KLHL20: variants seen among roughly 807,000 people sequenced by gnomAD.
KLHL20 encodes the protein kelch like family member 20, also known as kelch-like protein 20.
Under a neutral mutation model 69.5 loss-of-function variants are expected in KLHL20, and 29 were observed. The observed-to-expected ratio is 0.42, with a 90% CI of 0.31 to 0.57. The LOEUF is 0.57. Among genes scored for constraint, KLHL20 ranks in the 20% least tolerant of loss-of-function variants. The probability of loss-of-function intolerance (pLI) is 0.18; values close to 1 mark genes in which losing one functional copy is unlikely to be tolerated. For missense variants in KLHL20, 419 were observed against 776.0 expected (o/e 0.54, Z 5.47); for synonymous variants, 253 against 265.2 (o/e 0.95, Z 0.45).
chr1:173,782,213 T>C lies in KLHL20; in HGVS notation c.1728T>C (p.Pro576=). Residue 576 remains proline, a synonymous_variant, in exon 11 of 12, where the codon CCT becomes CCC. Coordinates refer to ENST00000209884, the MANE Select transcript of KLHL20 (RefSeq NM_014458.4). ...TYLKTIEVFD[P]DANTWRLYGG... ...TGAAGACCATAGAAGTTTTTGATCC[T>C]GATGCCAATACATGGAGGTAACTTT... is the stretch of plus-strand genomic sequence containing the variant. 1 of 1,613,292 alleles carries C rather than the reference T, an allele frequency of 6.2e-7. No homozygotes were observed. The highest frequency in any genetic ancestry group is 8.5e-7 in the Non-Finnish European group (1 of 1,179,242).
intron 3 of KLHL20, chr1:173,741,580 G>T (rs1296780012): frequency 2.3e-6 from 1 of 426,374 alleles, no homozygotes; most frequent in African/African-American, 2.0e-5. Context: ...GTAAAACAAA[G>T]CAAAATAAAA....
At chr1:173,743,665 G>C (rs1359452451) in intron 3 of KLHL20, among the ~76,000 whole-genome samples, 1 of 151,920 alleles carries the variant, frequency 6.6e-6, no homozygotes, top group Non-Finnish European at 1.5e-5. Flanking sequence ...GTCCTTTGTT[G>C]CTATTTATTA....
At chr1:173,782,294 G>C (rs1648931714) in intron 11 of KLHL20, 64 bp downstream of exon 11, 1 of 1,217,964 alleles carries the variant, frequency 8.2e-7, no homozygotes, top group African/African-American at 1.5e-5. Flanking sequence ...GCTTGAAATA[G>C]CCTATGACCA....
At chr1:173,724,311 G>A (rs547550078) in intron 2 of KLHL20, among the ~76,000 whole-genome samples, 40 of 151,716 alleles carry the variant, frequency 2.6e-4, no homozygotes, top group Non-Finnish European at 4.7e-4. Context: ...AGCCTCCTCC[G>A]AAAATTCTTA....
chr1:173,726,464 C>A (rs541982782), intron 2 of KLHL20, among the ~76,000 whole-genome samples: 62 of 152,344 alleles, frequency 4.1e-4, no homozygotes, highest in African/African-American at 1.4e-3. Context: ...AAGTGGGTCC[C>A]TGACCCCCAA....
chr1:173,715,751 A>C (rs960766313), intron 1 of KLHL20: 14 of 391,720 alleles, frequency 3.6e-5, no homozygotes, highest in African/African-American at 2.6e-4. Context: ...AAGAGAAACA[A>C]GACTGACCTA....
At chr1:173,755,865 G>T in intron 5 of KLHL20, 58 bp from the exon 6 acceptor site, 1 of 1,125,058 alleles carries the variant, frequency 8.9e-7, no homozygotes, top group East Asian at 2.4e-5. Context: ...AACTACATTG[G>T]GACTTAACTA....
intron 3 of KLHL20, among the ~76,000 whole-genome samples, chr1:173,740,886 CCTT>C (rs1298766688): frequency 6.6e-6 from 1 of 152,150 alleles, no homozygotes; most frequent in Non-Finnish European, 1.5e-5. Flanking sequence ...CTGGAAATCT[CCTT>C]CTTTCTATGG....
chr1:173,752,146 G>A (rs1402857868), intron 4 of KLHL20, among the ~76,000 whole-genome samples: 1 of 151,544 alleles, frequency 6.6e-6, no homozygotes, highest in Non-Finnish European at 1.5e-5. Context: ...TGAGGCAGGA[G>A]AATCACTTGA....
At chr1:173,762,711 T>C (rs913671622) in intron 7 of KLHL20, among the ~76,000 whole-genome samples, 2 of 152,116 alleles carry the variant, frequency 1.3e-5, no homozygotes, top group African/African-American at 2.4e-5. Context: ...CTCAGCAAAA[T>C]TGGCATACAA....
intron 3 of KLHL20, among the ~76,000 whole-genome samples, chr1:173,737,537 T>G (rs527346506): frequency 1.3e-5 from 2 of 152,364 alleles, no homozygotes; most frequent in South Asian, 4.1e-4. Context: ...GCTTTAACTA[T>G]TTGGCTTTAT....
intron 10 of KLHL20, among the ~76,000 whole-genome samples, 200 bp downstream of exon 10, chr1:173,776,042 T>C (rs1648443700): frequency 6.6e-6 from 1 of 152,190 alleles, no homozygotes; most frequent in African/African-American, 2.4e-5. Context: ...CTAATTTATA[T>C]TCCCACCAGC....
intron 3 of KLHL20, among the ~76,000 whole-genome samples, chr1:173,745,766 C>A (rs73035123): frequency 0.025 from 3,854 of 152,148 alleles, 177 homozygotes; most frequent in African/African-American, 0.089. Context: ...AAATATTGTA[C>A]ATACTTATTT....
intron 11 of KLHL20, among the ~76,000 whole-genome samples, chr1:173,782,657 C>A (rs983995855): frequency 2.6e-5 from 4 of 152,204 alleles, no homozygotes; most frequent in African/African-American, 4.8e-5. Context: ...ATTGCAATTA[C>A]TTTTGAAAAA....
intron 2 of KLHL20, 124 bp from the exon 3 acceptor site, chr1:173,733,589 A>C (rs1335425509): frequency 1.1e-6 from 1 of 892,044 alleles, no homozygotes; most frequent in African/African-American, 1.7e-5. Context: ...CTCTACAAAA[A>C]ATTTAAAAAA....
chr1:173,727,082 G>A (rs1334979928), intron 2 of KLHL20, among the ~76,000 whole-genome samples: 2 of 152,132 alleles, frequency 1.3e-5, no homozygotes, highest in Non-Finnish European at 2.9e-5. Context: ...ACCACCGCAC[G>A]AGAACTACGT....
intron 3 of KLHL20, among the ~76,000 whole-genome samples, chr1:173,748,407 A>G (rs1168190365): frequency 6.6e-6 from 1 of 152,158 alleles, no homozygotes; most frequent in Non-Finnish European, 1.5e-5. Context: ...ATTAATTCCA[A>G]CAAAGTATAA....
intron 8 of KLHL20, among the ~76,000 whole-genome samples, chr1:173,772,689 C>T (rs1648172105): frequency 6.6e-6 from 1 of 152,148 alleles, no homozygotes; most frequent in African/African-American, 2.4e-5. Context: ...CATTTTGCAA[C>T]ACTCAGTAAA....
rs1019814207 is a variant in KLHL20 at position 173,742,225 on chromosome 1, G to T, written c.597+7939G>T. On this transcript the variant is annotated intron_variant, in intron 3 of 11. Transcript: ENST00000209884. ...ATCCAGAAGTTTTGTACACCCTGTTGGCAAGGCTGTGGGAAATAAGATCAT... is the reference window on the plus strand; with the variant it reads ...ATCCAGAAGTTTTGTACACCCTGTTTGCAAGGCTGTGGGAAATAAGATCAT... 3.3e-5 allele frequency among the ~76,000 whole-genome samples: 5 copies of T among 152,268 alleles called. No homozygotes were observed. In the East Asian group the frequency reaches 9.6e-4, roughly 29 times the overall value.
Sources: allele counts gnomAD v4.1 joint callset (sites outside exome capture counted in the v4.1 genomes callset), GRCh38; gene constraint gnomAD v4.1.1; transcripts MANE v1.5; gene names NCBI Gene and HGNC (gene_info 2026-07-23, HGNC 2026-07-21).